Variants in TMEM117 observed in about 807,000 individuals in gnomAD.
The protein encoded by TMEM117 is transmembrane protein 117.
A neutral mutation model predicts 52.4 loss-of-function variants in TMEM117; 27 were observed. The observed-to-expected ratio is 0.51, with a 90% CI of 0.38 to 0.71. The LOEUF (loss-of-function observed/expected upper bound fraction) is 0.71, where lower values mean the gene tolerates loss of function less well. Among genes scored for constraint, TMEM117 ranks in the 30% least tolerant of loss-of-function variants. TMEM117 has a pLI of 0.00. For synonymous variants in TMEM117, 215 were observed against 206.3 expected, an observed-to-expected ratio of 1.04 and a Z score of -0.36; for missense variants, 556 against 630.5, an observed-to-expected ratio of 0.88 and a Z score of 1.26.
At chr12:44,018,802 C>G (rs1946411642) in intron 3 of TMEM117, among the ~76,000 whole-genome samples, 1 of 151,642 alleles carries the variant, frequency 6.6e-6, no homozygotes, top group Non-Finnish European at 1.5e-5. Flanking sequence ...TCACTGCAAC[C>G]TCCGCTTCCC....
At chr12:43,821,710 G>T in the TMEM117 span, among the ~76,000 whole-genome samples, 1 of 152,174 alleles carries the variant, frequency 6.6e-6, no homozygotes, top group Non-Finnish European at 1.5e-5. Context: ...ATACAAATCA[G>T]CAGTGGCAGA....
chr12:43,805,400 A>G, the TMEM117 span: 2 of 370,164 alleles, frequency 5.4e-6, no homozygotes, highest in Admixed American at 3.2e-5. Context: ...AAAACATACA[A>G]TTAAGTGTTC....
At chr12:44,064,877 G>C (rs1947198245) in intron 3 of TMEM117, among the ~76,000 whole-genome samples, 1 of 152,130 alleles carries the variant, frequency 6.6e-6, no homozygotes, top group Non-Finnish European at 1.5e-5. Flanking sequence ...TAATTGCTAG[G>C]AGTAGATTTT....
chr12:44,336,361 C>T (rs1283423291), intron 6 of TMEM117, among the ~76,000 whole-genome samples: 1 of 151,962 alleles, frequency 6.6e-6, no homozygotes, highest in Non-Finnish European at 1.5e-5. Context: ...AAAAGGTTCT[C>T]ATGCCAGCAA....
intron 5 of TMEM117, among the ~76,000 whole-genome samples, chr12:44,290,301 C>T (rs965520561): frequency 1.3e-4 from 20 of 152,060 alleles, no homozygotes; most frequent in African/African-American, 4.3e-4. Flanking sequence ...ATTGCCAATA[C>T]GAATGTCAAG....
At chr12:44,119,220 C>T (rs1403662272) in intron 3 of TMEM117, among the ~76,000 whole-genome samples, 1 of 152,202 alleles carries the variant, frequency 6.6e-6, no homozygotes, top group African/African-American at 2.4e-5. Context: ...ATTATGTCAT[C>T]ATATGCTGTG....
chr12:44,216,005 C>CTTTTTTTTTTTTTTTTTTTT (rs778425747), intron 5 of TMEM117, among the ~76,000 whole-genome samples: 4 of 110,804 alleles, frequency 3.6e-5, no homozygotes, highest in Non-Finnish European at 7.1e-5. Flanking sequence ...TTCTTTCTTT[C>CTTTTTTTTTTTTTTTTTTTT]TTTTTTTTTT....
intron 4 of TMEM117, among the ~76,000 whole-genome samples, chr12:44,181,835 G>A (rs1326968803): frequency 3.3e-5 from 5 of 151,044 alleles, no homozygotes; most frequent in East Asian, 1.9e-4. Flanking sequence ...TTGGCGATGC[G>A]GGCTCTTTTT....
At chr12:44,012,750 C>T (rs1038525669) in intron 3 of TMEM117, among the ~76,000 whole-genome samples, 3 of 152,256 alleles carry the variant, frequency 2.0e-5, no homozygotes, top group South Asian at 4.1e-4. Context: ...AGCATATTAA[C>T]GATAGTTTTT....
Position 44,150,865 on chromosome 12 carries a change from G to A in TMEM117, c.510+7241G>A, listed in dbSNP as rs889831935. Among the ~76,000 whole-genome samples the A allele has an allele frequency of 1.2e-4, 18 of 152,022 alleles. No individual in the cohort carries two copies. The South Asian group carries it at 2.7e-3, about 23-fold the overall frequency. Reference sequence around the variant, plus strand: ...TGACCTGGAATAAAAAAGGATTTCCGGGTAAAAAAGGTTGTACTATAATGT... The same window carrying A: ...TGACCTGGAATAAAAAAGGATTTCCAGGTAAAAAAGGTTGTACTATAATGT... On this transcript the variant is annotated intron_variant, in intron 4 of 7. Coordinates refer to ENST00000266534, the MANE Select transcript of TMEM117 (RefSeq NM_032256.3).
chr12:44,078,413 G>T (rs1486147646), intron 3 of TMEM117, among the ~76,000 whole-genome samples: 1 of 152,172 alleles, frequency 6.6e-6, no homozygotes, highest in Non-Finnish European at 1.5e-5. Context: ...GAAAGTGGCT[G>T]TCCCCAGCTG....
chr12:43,854,760 C>G (rs1250650568), intron 2 of TMEM117, among the ~76,000 whole-genome samples: 3 of 152,140 alleles, frequency 2.0e-5, no homozygotes, highest in Non-Finnish European at 4.4e-5. Flanking sequence ...CCTCAGCCTC[C>G]TGAGTAGCTG....
At chr12:44,116,953 G>T (rs1209010102) in intron 3 of TMEM117, among the ~76,000 whole-genome samples, 1 of 152,076 alleles carries the variant, frequency 6.6e-6, no homozygotes, top group East Asian at 1.9e-4. Context: ...TCTCCATGTT[G>T]TTGTCAGCTG....
intron 6 of TMEM117, among the ~76,000 whole-genome samples, chr12:44,301,471 G>A (rs546183575): frequency 1.3e-5 from 2 of 152,208 alleles, no homozygotes; most frequent in South Asian, 2.1e-4. Context: ...AATGACCGAC[G>A]ATGAAGAGTT....
At chr12:44,318,937 A>G (rs1951095021) in intron 6 of TMEM117, among the ~76,000 whole-genome samples, 1 of 152,222 alleles carries the variant, frequency 6.6e-6, no homozygotes, top group Non-Finnish European at 1.5e-5. Context: ...AGCTCCCAGC[A>G]AGGTCACACA....
Position 43,971,880 on chromosome 12 carries a change from T to C in TMEM117, c.410+27538T>C, listed in dbSNP as rs1254191035. ...TAATCATCTTGAATAACGAAAACCT[T>C]ATACTCATTGATTAGTAACTTCTCA... is the stretch of plus-strand genomic sequence containing the variant. On this transcript the variant is annotated intron_variant, in intron 3 of 7. Coordinates refer to ENST00000266534, the MANE Select transcript of TMEM117 (RefSeq NM_032256.3). Among the ~76,000 whole-genome samples, 4 of 152,244 alleles carry C rather than the reference T, an allele frequency of 2.6e-5. 1 individual carries two copies. The highest frequency in any genetic ancestry group is 5.9e-5 in the Non-Finnish European group (4 of 68,048).
intron 5 of TMEM117, among the ~76,000 whole-genome samples, chr12:44,258,767 A>C (rs17094352): frequency 0.086 from 13,146 of 152,132 alleles, 815 homozygotes; most frequent in African/African-American, 0.17. Context: ...GCAAATGTGT[A>C]GTTGTGGCTG....
the TMEM117 span, among the ~76,000 whole-genome samples, chr12:43,823,501 T>TTTTA: frequency 5.3e-5 from 8 of 152,052 alleles, no homozygotes; most frequent in Non-Finnish European, 1.0e-4. Flanking sequence ...GTAATTTCAT[T>TTTTA]TTTATTTCTT....
chr12:43,908,303 T>A (rs1232702561), intron 2 of TMEM117, among the ~76,000 whole-genome samples: 2 of 66,906 alleles, frequency 3.0e-5, no homozygotes, highest in Non-Finnish European at 9.1e-5. Context: ...TGCTGAGAGA[T>A]TTTGTCACCA....
Sources: allele counts gnomAD v4.1 joint callset (sites outside exome capture counted in the v4.1 genomes callset), GRCh38; gene constraint gnomAD v4.1.1; transcripts MANE v1.5; gene names NCBI Gene and HGNC (gene_info 2026-07-23, HGNC 2026-07-21).